The following LZTS1 variants were observed in gnomAD, a reference collection of about 807,000 sequenced individuals.
LZTS1 encodes the protein leucine zipper tumor suppressor 1.
In LZTS1, 31 loss-of-function variants were observed where a neutral mutation model predicts 45.8. The observed-to-expected ratio is 0.68, with a 90% CI of 0.51 to 0.91. The LOEUF is 0.91. LZTS1 is among the 40% of genes least tolerant of loss of function. The pLI is 0.00. For missense variants in LZTS1, 821 were observed against 788.9 expected (o/e 1.04, Z -0.49); for synonymous variants, 359 against 357.3 (o/e 1.00, Z -0.05).
chr8:20,295,750 T>C (rs930205169), intron 1 of LZTS1, among the ~76,000 whole-genome samples: 2 of 152,126 alleles, frequency 1.3e-5, no homozygotes, highest in South Asian at 4.1e-4. Flanking sequence ...TCTCTTCCCA[T>C]GGCTAATGTC....
intron 1 of LZTS1, among the ~76,000 whole-genome samples, chr8:20,272,880 G>A (rs558371110): frequency 6.6e-6 from 1 of 152,124 alleles, no homozygotes; most frequent in African/African-American, 2.4e-5. Context: ...GCATTTAAAC[G>A]TGCACAAGTC....
intron 1 of LZTS1, chr8:20,289,168 T>G (rs1267309852): frequency 3.3e-5 from 5 of 152,134 alleles, no homozygotes; most frequent in Non-Finnish European, 7.3e-5. Context: ...GAGATTAGAT[T>G]TAGGAAAACA....
chr8:20,265,569 T>C lies in LZTS1; in HGVS notation c.-134-10254A>G, dbSNP rs185888942. ...GCCACAATGCCTATAGTCCCAGCTATTTGGTAGGCTGAGGTGGGAGGATTG... is the reference window on the plus strand; with the variant it reads ...GCCACAATGCCTATAGTCCCAGCTACTTGGTAGGCTGAGGTGGGAGGATTG... On this transcript the variant is annotated intron_variant, in intron 1 of 3. Transcript: ENST00000381569. Among the ~76,000 whole-genome samples the C allele has an allele frequency of 4.7e-5, 7 of 150,264 alleles. No individual in the cohort carries two copies. In the East Asian group the frequency reaches 1.4e-3, roughly 30 times the overall value.
chr8:20,247,011 A>G lies in LZTS1; in HGVS notation c.*2711T>C, dbSNP rs1288899214. On this transcript the variant is annotated 3_prime_UTR_variant, in exon 4 of 4. Transcript: ENST00000381569. ...TGAGGGCGCTTTTGGACAGGGCAGG[A>G]AAGAACACCCACAGGAAGGTGAGGT... The G allele has an allele frequency of 6.6e-6, 1 of 152,366 alleles. No individual in the cohort carries two copies. Among genetic ancestry groups the G allele is most frequent in the Non-Finnish European group, 1.5e-5 (1 of 68,146 alleles). The allele number at this position is 152,366 out of a possible 1,614,324, so 9.4% of individuals were successfully genotyped here.
At chr8:20,270,604 G>A (rs1308612854) in intron 1 of LZTS1, among the ~76,000 whole-genome samples, 3 of 152,146 alleles carry the variant, frequency 2.0e-5, no homozygotes, top group Non-Finnish European at 4.4e-5. Context: ...ACCCAGGAGG[G>A]CTTTGGTTTG....
intron 1 of LZTS1, among the ~76,000 whole-genome samples, chr8:20,276,917 T>G (rs1800596435): frequency 6.6e-6 from 1 of 152,208 alleles, no homozygotes; most frequent in South Asian, 2.1e-4. Context: ...CTCCCAATAC[T>G]GGACATTAGG....
At chr8:20,271,343 G>GAC (rs1186404884) in intron 1 of LZTS1, among the ~76,000 whole-genome samples, 1 of 152,102 alleles carries the variant, frequency 6.6e-6, no homozygotes, top group African/African-American at 2.4e-5. Context: ...GGAGTCTGTG[G>GAC]ACCCCACAGC....
intron 1 of LZTS1, among the ~76,000 whole-genome samples, chr8:20,273,777 TG>T (rs201440878): frequency 2.4e-3 from 183 of 75,502 alleles, no homozygotes; most frequent in South Asian, 7.1e-3. Context: ...CTGTTATATT[TG>T]TTTTTTTTTT....
chr8:20,291,843 G>GTT (rs11380871), intron 1 of LZTS1, among the ~76,000 whole-genome samples: 34 of 152,018 alleles, frequency 2.2e-4, no homozygotes, highest in Admixed American at 7.2e-4. Context: ...CAAAATCATG[G>GTT]TTTTTTTTGC....
chr8:20,273,629 A>C (rs1253798946), intron 1 of LZTS1, among the ~76,000 whole-genome samples: 3 of 152,028 alleles, frequency 2.0e-5, no homozygotes, highest in African/African-American at 7.2e-5. Context: ...ATTCCCACTC[A>C]GCCCTCACCC....
chr8:20,253,013 C>T lies in LZTS1; in HGVS notation c.918G>A (p.Leu306=). Residue 306 remains leucine (L), a synonymous_variant, in exon 3 of 4, where the codon CTG becomes CTA. Transcript: ENST00000381569. ...TGCCGCCTTTGGGCTCCGGGCCCTC[C>T]AGCTCGTCCCTGCAGCGCCGCGGCC... ...EERPRRCRDE[L]EGPEPKGGNK... is the part of the protein sequence containing the mutation. 6.3e-7 allele frequency: 1 copy of T among 1,595,648 alleles called. No homozygotes were observed. The highest frequency in any genetic ancestry group is 8.5e-7 in the Non-Finnish European group (1 of 1,172,360).
At chr8:20,292,736 C>A (rs549887279) in intron 1 of LZTS1, among the ~76,000 whole-genome samples, 62 of 152,268 alleles carry the variant, frequency 4.1e-4, no homozygotes, top group Non-Finnish European at 7.1e-4. Context: ...CCATTGAGGT[C>A]TGAGGGCCTG....
chr8:20,260,270 C>T (rs1348065797), intron 1 of LZTS1, among the ~76,000 whole-genome samples: 1 of 152,074 alleles, frequency 6.6e-6, no homozygotes, highest in African/African-American at 2.4e-5. Flanking sequence ...ACTCTGTCAC[C>T]CAGGCTGGAG....
At chr8:20,274,566 G>A (rs764381175) in intron 1 of LZTS1, among the ~76,000 whole-genome samples, 2 of 152,180 alleles carry the variant, frequency 1.3e-5, no homozygotes, top group African/African-American at 2.4e-5. Context: ...GGGCCTGAGT[G>A]TTAGACCCCC....
At chr8:20,277,800 G>A (rs1341821819) in intron 1 of LZTS1, among the ~76,000 whole-genome samples, 1 of 152,180 alleles carries the variant, frequency 6.6e-6, no homozygotes, top group Admixed American at 6.5e-5. Context: ...GGATTTGTCA[G>A]CCTCCTAGCC....
chr8:20,296,390 G>T (rs1800979286), intron 1 of LZTS1, among the ~76,000 whole-genome samples: 3 of 152,202 alleles, frequency 2.0e-5, no homozygotes, highest in African/African-American at 7.2e-5. Flanking sequence ...TAGGCTGAAA[G>T]TCTCACCTAG....
chr8:20,256,028 T>C (rs970254977), intron 1 of LZTS1, among the ~76,000 whole-genome samples: 3 of 130,966 alleles, frequency 2.3e-5, no homozygotes, highest in African/African-American at 8.9e-5. Flanking sequence ...TGAGCCACAA[T>C]TGTGCCACTG....
chr8:20,262,140 G>A (rs1397861662), intron 1 of LZTS1, among the ~76,000 whole-genome samples: 1 of 152,290 alleles, frequency 6.6e-6, no homozygotes, highest in Non-Finnish European at 1.5e-5. Context: ...GGCCCACAAC[G>A]ATGCAAAGTG....
At chr8:20,288,987 GT>G (rs59572169) in intron 1 of LZTS1, among the ~76,000 whole-genome samples, 43 of 119,694 alleles carry the variant, frequency 3.6e-4, no homozygotes, top group South Asian at 1.2e-3. Flanking sequence ...ATAGCAGCTG[GT>G]TTTTTTTTTT....
Sources: gnomAD v4.1 joint callset for allele counts (sites outside exome capture counted in the v4.1 genomes callset) on GRCh38, gnomAD v4.1.1 for gene constraint, MANE v1.5 for transcripts, NCBI Gene and HGNC (gene_info 2026-07-23, HGNC 2026-07-21) for gene names.